The following ZNF718 variants were observed in gnomAD, a reference collection of about 807,000 sequenced individuals.
The protein encoded by ZNF718 is zinc finger protein 718.
ZNF718 carries 3 observed loss-of-function variants against 2.6 expected under a neutral mutation model. That is an observed-to-expected ratio of 1.16 (90% CI 0.53 to 3.01). The LOEUF is 3.01. Among genes scored for constraint, ZNF718 ranks in the 30% most tolerant of loss-of-function variants. The pLI is 0.03. For missense variants in ZNF718, 468 were observed against 230.0 expected (o/e 2.03, Z -6.69); for synonymous variants, 135 against 77.9 (o/e 1.73, Z -3.86).
intron 3 of ZNF718, among the ~76,000 whole-genome samples, chr4:176,024 A>G (rs1717339663): frequency 6.6e-6 from 1 of 151,658 alleles, no homozygotes; most frequent in South Asian, 2.1e-4. Context: ...AAGCATATCA[A>G]TTTGGCCCTA....
At chr4:150,260 GTGT>G (rs1401610285) in intron 3 of ZNF718, 3 of 152,080 alleles carry the variant, frequency 2.0e-5, no homozygotes, top group Non-Finnish European at 2.9e-5. Context: ...AGGGACATTT[GTGT>G]TGTTTCCAGG....
chr4:142,313 G>T (rs1157779599), intron 3 of ZNF718, among the ~76,000 whole-genome samples: 3 of 152,184 alleles, frequency 2.0e-5, no homozygotes, highest in Non-Finnish European at 4.4e-5. Context: ...GATCTGTTAA[G>T]TGCATTTATG....
downstream of ZNF718, among the ~76,000 whole-genome samples, chr4:166,865 A>G (rs1210581280): frequency 6.6e-6 from 1 of 151,648 alleles, no homozygotes; most frequent in African/African-American, 2.4e-5. Context: ...ATTAGATCCC[A>G]TTTGTCAATT....
chr4:150,561 G>T (rs967874879), intron 3 of ZNF718, among the ~76,000 whole-genome samples: 3 of 151,942 alleles, frequency 2.0e-5, no homozygotes, highest in Non-Finnish European at 1.5e-5. Flanking sequence ...AGGTTCATCC[G>T]TGTCCTTGCA....
intron 3 of ZNF718, among the ~76,000 whole-genome samples, chr4:144,928 G>GTCT (rs78518339): frequency 1.3e-5 from 2 of 151,442 alleles, no homozygotes; most frequent in African/African-American, 2.4e-5. Flanking sequence ...CATATGCAAA[G>GTCT]TTTTTTTTGT....
chr4:190,463 A>G (rs928541111), intron 3 of ZNF718, among the ~76,000 whole-genome samples: 2 of 151,702 alleles, frequency 1.3e-5, no homozygotes, highest in Admixed American at 6.6e-5. Flanking sequence ...TTAAGTCAAT[A>G]TAATGAGGAA....
intron 3 of ZNF718, among the ~76,000 whole-genome samples, chr4:157,168 A>G (rs564739061): frequency 2.8e-4 from 37 of 130,480 alleles, no homozygotes; most frequent in Non-Finnish European, 4.6e-4. Context: ...GCTGGAGTGC[A>G]ATGGTGCAAT....
At chr4:156,447 CCAT>C (rs1716570510) in intron 3 of ZNF718, among the ~76,000 whole-genome samples, 1 of 152,132 alleles carries the variant, frequency 6.6e-6, no homozygotes, top group South Asian at 2.1e-4. Flanking sequence ...ATTTCAAAAG[CCAT>C]CATACCTCTG....
intron 3 of ZNF718, among the ~76,000 whole-genome samples, chr4:184,507 A>G (rs191728030): frequency 6.6e-6 from 1 of 152,246 alleles, no homozygotes; most frequent in East Asian, 1.9e-4. Flanking sequence ...TTTTGGTATC[A>G]AAATAATGCT....
chr4:185,992 G>T (rs183936609), intron 3 of ZNF718, among the ~76,000 whole-genome samples: 2 of 151,978 alleles, frequency 1.3e-5, no homozygotes, highest in Non-Finnish European at 2.9e-5. Context: ...TAACCTATTC[G>T]TATTTAAGGT....
chr4:136,569 C>G (rs1245432709), intron 3 of ZNF718: 1 of 468,886 alleles, frequency 2.1e-6, no homozygotes, highest in African/African-American at 2.0e-5. Context: ...CTGCTTTTTC[C>G]AAATATCCCT....
At chr4:165,501 T>C (rs1211625436), downstream of ZNF718, among the ~76,000 whole-genome samples, 1 of 152,182 alleles carries the variant, frequency 6.6e-6, no homozygotes, top group Non-Finnish European at 1.5e-5. Context: ...GAAAATGTCT[T>C]AGAAATTAAT....
At chr4:175,852 CTT>C (rs1158577358) in intron 3 of ZNF718, among the ~76,000 whole-genome samples, 3 of 98,928 alleles carry the variant, frequency 3.0e-5, no homozygotes, top group South Asian at 4.2e-4. Context: ...GATTAACAGT[CTT>C]TTTTTTTTTT....
intron 1 of ZNF718, chr4:124,966 G>A (rs191322750): frequency 4.6e-5 from 17 of 369,284 alleles, no homozygotes; most frequent in Admixed American, 2.5e-4. Flanking sequence ...GGCGTGGGAG[G>A]AGCTGTGGTC....
chr4:196,183 G>C (rs1337974860), intron 3 of ZNF718, among the ~76,000 whole-genome samples: 3 of 152,234 alleles, frequency 2.0e-5, no homozygotes, highest in Non-Finnish European at 4.4e-5. Flanking sequence ...CTTGGAGATT[G>C]TATTGCAGAG....
intron 3 of ZNF718, among the ~76,000 whole-genome samples, chr4:169,986 C>T (rs1413950254): frequency 3.9e-5 from 6 of 152,048 alleles, no homozygotes; most frequent in African/African-American, 1.4e-4. Flanking sequence ...TGGCTGGTAC[C>T]AGTTATTCCT....
rs1715318512 is a variant in ZNF718, at chr4:130,255, C to G, written c.4-533C>G. On this transcript the variant is annotated intron_variant, in intron 1 of 3. Coordinates refer to ENST00000510175, the MANE Select transcript of ZNF718 (RefSeq NM_001039127.6). The stretch of plus-strand genomic sequence containing the variant: ...GCAATAAGAAGCTAATTCATGGACC[C>G]TTTTCAAACCTGCAGAATTTTGTTA... Among the ~76,000 whole-genome samples, 2 of 103,620 alleles carry G rather than the reference C, an allele frequency of 1.9e-5. 1 individual carries two copies. The highest frequency in any genetic ancestry group is 6.0e-4 in the South Asian group (2 of 3,352). The allele number at this position is 103,620 out of a possible 152,430, so 68.0% of individuals were successfully genotyped here.
At chr4:143,179 T>G (rs1489907221) in intron 3 of ZNF718, among the ~76,000 whole-genome samples, 1 of 152,074 alleles carries the variant, frequency 6.6e-6, no homozygotes, top group Non-Finnish European at 1.5e-5. Flanking sequence ...AGTGAGAACC[T>G]AACCAAAAAG....
chr4:142,516 C>A (rs1715857203), intron 3 of ZNF718, among the ~76,000 whole-genome samples: 1 of 152,150 alleles, frequency 6.6e-6, no homozygotes, highest in Non-Finnish European at 1.5e-5. Flanking sequence ...CTAAAGAGAC[C>A]ATTGCCAGGA....
Sources: gnomAD v4.1 joint callset for allele counts (sites outside exome capture counted in the v4.1 genomes callset) on GRCh38, gnomAD v4.1.1 for gene constraint, MANE v1.5 for transcripts, NCBI Gene and HGNC (gene_info 2026-07-23, HGNC 2026-07-21) for gene names.